Variants in CTNNA3 observed in about 807,000 individuals in gnomAD.
CTNNA3 encodes the protein catenin alpha 3.
Under a neutral mutation model 95.7 loss-of-function variants are expected in CTNNA3, and 76 were observed. The observed-to-expected ratio is 0.79, with a 90% CI of 0.66 to 0.96. CTNNA3 has a LOEUF of 0.96. Ranked by LOEUF, CTNNA3 falls within the 40% of genes least tolerant of loss-of-function variation. The pLI is 0.00. For synonymous variants in CTNNA3, 431 were observed against 374.4 expected (o/e 1.15, Z -1.74); for missense variants, 1,191 against 1,089.8 (o/e 1.09, Z -1.31).
chr10:67,721,505 A>T (rs1841179808), intron 1 of CTNNA3, among the ~76,000 whole-genome samples: 1 of 152,122 alleles, frequency 6.6e-6, no homozygotes, highest in South Asian at 2.1e-4. Context: ...TTTCAGCTCC[A>T]TCAGGTCATT....
At chr10:66,640,045 G>C (rs1415286789) in intron 9 of CTNNA3, among the ~76,000 whole-genome samples, 1 of 152,016 alleles carries the variant, frequency 6.6e-6, no homozygotes, top group Non-Finnish European at 1.5e-5. Flanking sequence ...TATTTCAAAA[G>C]GAATATGTGC....
chr10:67,163,959 C>G (rs1165038504), intron 7 of CTNNA3, among the ~76,000 whole-genome samples: 2 of 151,850 alleles, frequency 1.3e-5, no homozygotes, highest in African/African-American at 2.4e-5. Context: ...CTGCAAAATG[C>G]TGATGAAAGA....
At chr10:66,774,035 A>C (rs1033779168) in intron 8 of CTNNA3, among the ~76,000 whole-genome samples, 3 of 152,210 alleles carry the variant, frequency 2.0e-5, no homozygotes, top group Non-Finnish European at 2.9e-5. Context: ...TATTTGCTAA[A>C]TCTGGTAATT....
intron 11 of CTNNA3, among the ~76,000 whole-genome samples, chr10:66,504,597 T>C (rs1840388377): frequency 6.6e-6 from 1 of 152,184 alleles, no homozygotes. Flanking sequence ...AGGAACGTGC[T>C]GTGTGGCAAG....
At chr10:66,639,834 C>G (rs149577820) in intron 9 of CTNNA3, among the ~76,000 whole-genome samples, 1 of 152,008 alleles carries the variant, frequency 6.6e-6, no homozygotes, top group South Asian at 2.1e-4. Context: ...AATAAATTTA[C>G]CAAGTCAAAG....
chr10:66,886,712 C>G (rs989183777), intron 7 of CTNNA3, among the ~76,000 whole-genome samples: 3 of 152,050 alleles, frequency 2.0e-5, no homozygotes, highest in African/African-American at 7.2e-5. Context: ...ATGTCTAATC[C>G]CATTCCATAC....
intron 7 of CTNNA3, among the ~76,000 whole-genome samples, chr10:66,976,101 C>T (rs10997461): frequency 3.3e-5 from 5 of 151,912 alleles, no homozygotes; most frequent in African/African-American, 1.2e-4. Context: ...GTGCTAGTAG[C>T]TTTGTATTAA....
intron 17 of CTNNA3, among the ~76,000 whole-genome samples, chr10:65,960,136 C>T (rs2077813132): frequency 6.6e-6 from 1 of 152,184 alleles, no homozygotes; most frequent in African/African-American, 2.4e-5. Flanking sequence ...TTTTACCAAA[C>T]ATGGGATTTA....
At chr10:66,293,833 T>C (rs2091731430) in intron 12 of CTNNA3, among the ~76,000 whole-genome samples, 1 of 151,888 alleles carries the variant, frequency 6.6e-6, no homozygotes. Context: ...GCCCGGCTAA[T>C]TTTTTGTGTT....
intron 7 of CTNNA3, among the ~76,000 whole-genome samples, chr10:66,932,809 T>C (rs1451642989): frequency 6.6e-6 from 1 of 152,194 alleles, no homozygotes; most frequent in East Asian, 1.9e-4. Flanking sequence ...TGATTTTGGA[T>C]ACTTAATACT....
intron 5 of CTNNA3, among the ~76,000 whole-genome samples, chr10:67,417,108 G>A (rs930074413): frequency 3.9e-5 from 6 of 152,144 alleles, no homozygotes; most frequent in African/African-American, 1.4e-4. Context: ...GGAATACTGT[G>A]TAGCCATAAA....
intron 5 of CTNNA3, among the ~76,000 whole-genome samples, chr10:67,326,428 A>G (rs192680284): frequency 1.1e-4 from 16 of 152,228 alleles, no homozygotes; most frequent in Admixed American, 1.0e-3. Flanking sequence ...GATGGTAACA[A>G]TTTCCCTCAG....
At chr10:66,786,746 C>T (rs1840761811) in intron 7 of CTNNA3, among the ~76,000 whole-genome samples, 1 of 152,026 alleles carries the variant, frequency 6.6e-6, no homozygotes, top group South Asian at 2.1e-4. Context: ...GGAAACATCC[C>T]ACATATGAAA....
At chr10:67,456,861 A>G (rs1022026881) in intron 5 of CTNNA3, among the ~76,000 whole-genome samples, 3 of 152,154 alleles carry the variant, frequency 2.0e-5, no homozygotes, top group Admixed American at 6.6e-5. Flanking sequence ...CAATGTAACC[A>G]AGGTGACTAC....
intron 5 of CTNNA3, among the ~76,000 whole-genome samples, chr10:67,461,155 C>T (rs1275999735): frequency 6.6e-6 from 1 of 152,142 alleles, no homozygotes; most frequent in Non-Finnish European, 1.5e-5. Context: ...CAAGCACTTT[C>T]CTGAACATTT....
chr10:66,590,528 A>C (rs1589460719), intron 10 of CTNNA3, among the ~76,000 whole-genome samples: 1 of 152,216 alleles, frequency 6.6e-6, no homozygotes, highest in East Asian at 1.9e-4. Context: ...GATTCGGTTA[A>C]AACAGTCTAA....
At position 66,846,577 on chromosome 10, in the gene CTNNA3, A is replaced by ATG. The variant is rs548378811; in HGVS notation, c.1048-71055_1048-71054dup. On this transcript the variant is annotated intron_variant, in intron 7 of 17. Transcript: ENST00000433211. ...ATCAAAACATCACATTATATACCAT[A>ATG]TGTGTGTGTGTGTGTGTATATATAT... 3.7e-3 allele frequency among the ~76,000 whole-genome samples: 547 copies of ATG among 149,752 alleles called. 3 individuals are homozygous for ATG. The highest frequency in any genetic ancestry group is 0.013 in the Admixed American group (192 of 15,074).
At chr10:67,203,184 G>T (rs931468226) in intron 6 of CTNNA3, among the ~76,000 whole-genome samples, 1 of 152,148 alleles carries the variant, frequency 6.6e-6, no homozygotes, top group South Asian at 2.1e-4. Context: ...ATCCCCATGT[G>T]TCAAGGACAG....
intron 15 of CTNNA3, among the ~76,000 whole-genome samples, chr10:66,064,230 C>T (rs1166569080): frequency 2.0e-5 from 3 of 152,126 alleles, no homozygotes; most frequent in African/African-American, 7.2e-5. Flanking sequence ...CTCACTATCA[C>T]GTGAACAGCA....
Sources: allele counts gnomAD v4.1 joint callset (sites outside exome capture counted in the v4.1 genomes callset), GRCh38; gene constraint gnomAD v4.1.1; transcripts MANE v1.5; gene names NCBI Gene and HGNC (gene_info 2026-07-23, HGNC 2026-07-21).